UBTD2: variants seen among roughly 807,000 people sequenced by gnomAD.
UBTD2 encodes the protein ubiquitin domain containing 2, also known as ubiquitin domain-containing protein 2.
Under a neutral mutation model 19.8 loss-of-function variants are expected in UBTD2, and 9 were observed. The observed-to-expected ratio is 0.46, with a 90% CI of 0.27 to 0.79. The LOEUF is 0.79. UBTD2 is among the 30% of genes least tolerant of loss of function. UBTD2 has a pLI of 0.14. For missense variants in UBTD2, 250 were observed against 300.4 expected (o/e 0.83, Z 1.24); for synonymous variants, 98 against 103.9 (o/e 0.94, Z 0.35).
At chr5:172,240,221 T>C (rs980540276) in intron 1 of UBTD2, among the ~76,000 whole-genome samples, 7 of 152,184 alleles carry the variant, frequency 4.6e-5, no homozygotes, top group Non-Finnish European at 8.8e-5. Context: ...AGAGGAATCC[T>C]GCAGTAAAGA....
intron 1 of UBTD2, among the ~76,000 whole-genome samples, chr5:172,240,547 G>T (rs1254764748): frequency 6.6e-6 from 1 of 152,042 alleles, no homozygotes. Context: ...CAGAGTGTAA[G>T]TCCCCTTACC....
At chr5:172,270,245 C>T (rs991088742) in intron 1 of UBTD2, among the ~76,000 whole-genome samples, 2 of 151,104 alleles carry the variant, frequency 1.3e-5, no homozygotes, top group Admixed American at 1.3e-4. Flanking sequence ...ACCTGGCCTG[C>T]CTAATTTTTA....
intron 1 of UBTD2, among the ~76,000 whole-genome samples, chr5:172,256,896 C>T (rs1453272550): frequency 5.9e-5 from 9 of 152,102 alleles, no homozygotes; most frequent in South Asian, 2.1e-4. Context: ...CCAGTCTGGG[C>T]GATAACAGCG....
At chr5:172,278,457 T>C (rs1755650026) in intron 1 of UBTD2, among the ~76,000 whole-genome samples, 1 of 151,298 alleles carries the variant, frequency 6.6e-6, no homozygotes, top group African/African-American at 2.4e-5. Context: ...AGGTAGAGGT[T>C]GCAGCGAGCT....
chr5:172,221,220 G>C (rs756800883), intron 2 of UBTD2, among the ~76,000 whole-genome samples: 140 of 151,900 alleles, frequency 9.2e-4, no homozygotes, highest in Non-Finnish European at 1.4e-3. Context: ...ATCCCAGAAG[G>C]AGGCTGGGCA....
In UBTD2 at chr5:172,260,509, A is replaced by G. The variant is rs902282299; in HGVS notation, c.70+23087T>C. 1.3e-4 allele frequency among the ~76,000 whole-genome samples: 20 copies of G among 152,152 alleles called. No individual in the cohort carries two copies. The East Asian group carries it at 3.9e-3, about 29-fold the overall frequency. ...TTTCACTTACGTGCTTGCCTTATGC[A>G]GGTATATCATAGGTTTTAGTCAGCA... On this transcript the variant is annotated intron_variant, in intron 1 of 2. Transcript: ENST00000393792.
upstream of UBTD2, chr5:172,283,777 C>A (rs1048959955): frequency 1.5e-5 from 10 of 685,116 alleles, no homozygotes; most frequent in Non-Finnish European, 1.7e-5. The surrounding 1 kb of genome is among the most constrained non-coding windows in gnomAD (Gnocchi z 4.3). Context: ...GCGCGCCGCT[C>A]CGCTCGCCCG....
At chr5:172,228,715 C>T (rs919265343) in intron 2 of UBTD2, among the ~76,000 whole-genome samples, 3 of 151,302 alleles carry the variant, frequency 2.0e-5, no homozygotes, top group Non-Finnish European at 4.4e-5. Flanking sequence ...AGCTAGACTC[C>T]GTCTCCAAAA....
At chr5:172,251,681 A>G (rs1177385031) in intron 1 of UBTD2, among the ~76,000 whole-genome samples, 1 of 152,256 alleles carries the variant, frequency 6.6e-6, no homozygotes, top group East Asian at 1.9e-4. Context: ...GCTGTTCTTC[A>G]GAATGAAGGA....
In UBTD2 at chr5:172,263,688, G is replaced by A. The variant is rs535815046; in HGVS notation, c.70+19908C>T. ...GGGCGCCTGTGGTCCCAGCTACTCC[G>A]GAGGCTGAGGCAGGAGAATGGCGTG... is the stretch of plus-strand genomic sequence containing the variant. On this transcript the variant is annotated intron_variant, in intron 1 of 2. Coordinates refer to ENST00000393792, the MANE Select transcript of UBTD2 (RefSeq NM_152277.3). Among the ~76,000 whole-genome samples the A allele has an allele frequency of 2.6e-5, 4 of 152,204 alleles. No individual in the cohort carries two copies. The East Asian group carries it at 5.8e-4, about 22-fold the overall frequency.
chr5:172,252,643 C>T (rs929522599), intron 1 of UBTD2, among the ~76,000 whole-genome samples: 6 of 152,072 alleles, frequency 3.9e-5, no homozygotes, highest in Non-Finnish European at 8.8e-5. Flanking sequence ...AGGTGGTCTC[C>T]CTCTTCTATC....
intron 1 of UBTD2, among the ~76,000 whole-genome samples, chr5:172,275,363 G>A (rs1008788298): frequency 6.6e-6 from 1 of 152,114 alleles, no homozygotes; most frequent in Admixed American, 6.6e-5. Context: ...AGATTTGGGT[G>A]GGAACACAGC....
intron 2 of UBTD2, among the ~76,000 whole-genome samples, chr5:172,223,779 T>A (rs13356031): frequency 6.6e-6 from 1 of 151,738 alleles, no homozygotes; most frequent in Non-Finnish European, 1.5e-5. Context: ...GTCACAGAAC[T>A]AGTAAGTGGC....
intron 2 of UBTD2, 27 bp downstream of exon 2, chr5:172,234,093 CCT>C: frequency 6.2e-7 from 1 of 1,605,496 alleles, no homozygotes; most frequent in Non-Finnish European, 8.5e-7. Context: ...GATTATGTTT[CCT>C]CTGTCCTTGA....
chr5:172,251,726 A>C (rs776559295), intron 1 of UBTD2, among the ~76,000 whole-genome samples: 1 of 152,218 alleles, frequency 6.6e-6, no homozygotes, highest in Non-Finnish European at 1.5e-5. Context: ...AAGCTGAGTG[A>C]GTTCTTCATT....
chr5:172,232,601 T>G (rs1771923663), intron 2 of UBTD2, among the ~76,000 whole-genome samples: 1 of 151,958 alleles, frequency 6.6e-6, no homozygotes, highest in Admixed American at 6.6e-5. Flanking sequence ...CAGCTCATGC[T>G]TATAACCTCA....
At chr5:172,244,294 AG>A (rs1282345308) in intron 1 of UBTD2, among the ~76,000 whole-genome samples, 1 of 89,080 alleles carries the variant, frequency 1.1e-5, no homozygotes, top group Non-Finnish European at 2.3e-5. Flanking sequence ...CTTTCCTCCC[AG>A]TTTTTTTTTT....
At chr5:172,223,618 GCA>G (rs950473844) in intron 2 of UBTD2, among the ~76,000 whole-genome samples, 3 of 69,728 alleles carry the variant, frequency 4.3e-5, no homozygotes, top group Admixed American at 1.7e-4. Context: ...AAAAAAAAAA[GCA>G]CACTTAGGAG....
chr5:172,212,435 T>G (rs2113869553), intron 2 of UBTD2, among the ~76,000 whole-genome samples: 1 of 152,342 alleles, frequency 6.6e-6, no homozygotes, highest in South Asian at 2.1e-4. Context: ...GTCCTTACGC[T>G]TATGCTCTTC....
Sources: gnomAD v4.1 joint callset for allele counts (sites outside exome capture counted in the v4.1 genomes callset) on GRCh38, gnomAD v4.1.1 for gene constraint, Gnocchi (gnomAD v3.1) non-coding constraint, MANE v1.5 for transcripts, NCBI Gene and HGNC (gene_info 2026-07-23, HGNC 2026-07-21) for gene names.